TBC1D5: variants seen among roughly 807,000 people sequenced by gnomAD.
TBC1D5 encodes the protein TBC1 domain family, member 5.
A neutral mutation model predicts 100.3 loss-of-function variants in TBC1D5; 75 were observed. That is an observed-to-expected ratio of 0.75 (90% CI 0.62 to 0.91). TBC1D5 has a LOEUF of 0.91. Among genes scored for constraint, TBC1D5 ranks in the 40% least tolerant of loss-of-function variants. The probability of loss-of-function intolerance (pLI) is 0.00; values close to 1 mark genes in which losing one functional copy is unlikely to be tolerated. For synonymous variants in TBC1D5, 323 were observed against 325.6 expected (o/e 0.99, Z 0.09); for missense variants, 910 against 942.4 (o/e 0.97, Z 0.45).
intron 1 of TBC1D5, among the ~76,000 whole-genome samples, chr3:17,717,683 T>C (rs1376897559): frequency 6.6e-6 from 1 of 152,206 alleles, no homozygotes; most frequent in African/African-American, 2.4e-5. Flanking sequence ...CTAAGCCTCT[T>C]TGTACAAATT....
In TBC1D5 at chr3:17,411,401, G is replaced by A. The variant is rs75844659; in HGVS notation, c.168-4875C>T. On this transcript the variant is annotated intron_variant, in intron 4 of 21. Transcript: ENST00000253692. ...GTTTGGAACTGAATCCGCAATATCT[G>A]TGGGGTATGTATACACATCTCAAAA... Among the ~76,000 whole-genome samples the A allele has an allele frequency of 3.5e-3, 528 of 152,226 alleles. 3 individuals are homozygous for A. Among genetic ancestry groups the A allele is most frequent in the African/African-American group, 0.012 (513 of 41,542 alleles).
chr3:17,516,549 T>C (rs962802515), intron 2 of TBC1D5, among the ~76,000 whole-genome samples: 32 of 152,170 alleles, frequency 2.1e-4, no homozygotes, highest in Non-Finnish European at 7.4e-5. Context: ...CCTTGATACA[T>C]CACTTCTATT....
At chr3:17,332,051 C>T (rs1218442121) in intron 13 of TBC1D5, among the ~76,000 whole-genome samples, 1 of 152,038 alleles carries the variant, frequency 6.6e-6, no homozygotes, top group Non-Finnish European at 1.5e-5. Flanking sequence ...TTTAAATGGG[C>T]CAATTTTGCT....
At chr3:17,249,063 T>C (rs1015712107) in intron 16 of TBC1D5, among the ~76,000 whole-genome samples, 2 of 152,200 alleles carry the variant, frequency 1.3e-5, no homozygotes, top group Non-Finnish European at 2.9e-5. Context: ...ATTGAAGAGT[T>C]AGGGCCTTGC....
chr3:17,548,673 T>C (rs972854832), intron 2 of TBC1D5, among the ~76,000 whole-genome samples: 12 of 152,204 alleles, frequency 7.9e-5, no homozygotes, highest in African/African-American at 9.6e-5. Context: ...ATGTTGCTAT[T>C]AATTTATTCC....
intron 1 of TBC1D5, among the ~76,000 whole-genome samples, chr3:17,652,186 A>T (rs1448516901): frequency 2.6e-5 from 4 of 152,190 alleles, no homozygotes; most frequent in Non-Finnish European, 5.9e-5. Context: ...TATAGACCTG[A>T]TCTAGTCCTA....
intron 2 of TBC1D5, among the ~76,000 whole-genome samples, chr3:17,581,762 A>C (rs768408141): frequency 6.6e-6 from 1 of 152,212 alleles, no homozygotes; most frequent in East Asian, 1.9e-4. Flanking sequence ...GCAGATGATG[A>C]CACTCACTAA....
At chr3:17,480,547 C>T (rs1412100015) in intron 3 of TBC1D5, among the ~76,000 whole-genome samples, 1 of 152,212 alleles carries the variant, frequency 6.6e-6, no homozygotes, top group Non-Finnish European at 1.5e-5. Flanking sequence ...CTTGGGTCTC[C>T]TCAATTCATG....
At chr3:17,299,038 T>C (rs1043087742) in intron 14 of TBC1D5, among the ~76,000 whole-genome samples, 1 of 152,198 alleles carries the variant, frequency 6.6e-6, no homozygotes, top group African/African-American at 2.4e-5. Flanking sequence ...TGGTAAAAGA[T>C]TAGCAACAAT....
intron 1 of TBC1D5, among the ~76,000 whole-genome samples, chr3:17,659,306 A>G (rs1448079002): frequency 6.6e-6 from 1 of 152,222 alleles, no homozygotes; most frequent in Admixed American, 6.5e-5. Context: ...TATGTATCAT[A>G]TGAATATTCT....
intron 16 of TBC1D5, among the ~76,000 whole-genome samples, chr3:17,256,965 C>A (rs1192555713): frequency 6.6e-6 from 1 of 151,694 alleles, no homozygotes; most frequent in African/African-American, 2.4e-5. Context: ...TAAGCAAGGG[C>A]AAATAACAGA....
At chr3:17,647,140 T>C (rs1036727330) in intron 1 of TBC1D5, 1 of 152,088 alleles carries the variant, frequency 6.6e-6, no homozygotes, top group African/African-American at 2.4e-5. Flanking sequence ...AACACACCAA[T>C]GCTTTTCACA....
intron 2 of TBC1D5, among the ~76,000 whole-genome samples, chr3:17,604,228 G>A (rs1292926605): frequency 6.6e-6 from 1 of 152,240 alleles, no homozygotes; most frequent in Non-Finnish European, 1.5e-5. Flanking sequence ...CCAAAGTTCT[G>A]GGATTACATG....
intron 13 of TBC1D5, among the ~76,000 whole-genome samples, chr3:17,345,246 A>C (rs918692782): frequency 1.3e-5 from 2 of 152,224 alleles, no homozygotes; most frequent in African/African-American, 4.8e-5. Flanking sequence ...AACCCCATCA[A>C]TAAGTGGGCA....
Position 17,583,918 on chromosome 3 carries a change from G to A in TBC1D5, c.-36+39931C>T, listed in dbSNP as rs9754650. ...GGTTCATGTACACGCGTTTAGAGCA[G>A]CACTATTCAGAGTAACCAAAAAGTA... On this transcript the variant is annotated intron_variant, in intron 2 of 21. Transcript: ENST00000253692. 3.2e-3 allele frequency among the ~76,000 whole-genome samples: 488 copies of A among 152,274 alleles called. 1 individual carries two copies. Among genetic ancestry groups the A allele is most frequent in the African/African-American group, 0.011 (462 of 41,542 alleles).
intron 4 of TBC1D5, among the ~76,000 whole-genome samples, chr3:17,417,929 C>A (rs1575804579): frequency 6.6e-6 from 1 of 152,024 alleles, no homozygotes; most frequent in African/African-American, 2.4e-5. Flanking sequence ...TTCAACTACC[C>A]TGTTTTGGTT....
intron 18 of TBC1D5, among the ~76,000 whole-genome samples, chr3:17,206,937 T>C (rs1256782804): frequency 2.6e-5 from 4 of 152,290 alleles, no homozygotes; most frequent in Admixed American, 2.6e-4. Context: ...GAGTTTTTCT[T>C]TTTATTTGTT....
At chr3:17,161,162 G>A (rs2065993820) in exon 22 of TBC1D5, 4 of 1,614,208 alleles carry the variant, frequency 2.5e-6, no homozygotes, top group Non-Finnish European at 3.4e-6. Flanking sequence ...GCCGGAGAAG[G>A]AGCCCCTGGC....
intron 2 of TBC1D5, among the ~76,000 whole-genome samples, chr3:17,612,712 A>G (rs1024889993): frequency 1.3e-5 from 2 of 152,020 alleles, no homozygotes; most frequent in Non-Finnish European, 2.9e-5. Flanking sequence ...AAATAAAACT[A>G]TTTTCAGATG....
Sources: gnomAD v4.1 joint callset for allele counts (sites outside exome capture counted in the v4.1 genomes callset) on GRCh38, gnomAD v4.1.1 for gene constraint, MANE v1.5 for transcripts, NCBI Gene and HGNC (gene_info 2026-07-23, HGNC 2026-07-21) for gene names.